Variants in ZNF385D observed in about 807,000 individuals in gnomAD.
The protein encoded by ZNF385D is zinc finger protein 385D.
A neutral mutation model predicts 35.8 loss-of-function variants in ZNF385D; 15 were observed. The ratio of observed to expected loss-of-function variants is 0.42; its 90% CI spans 0.28 to 0.64. ZNF385D has a LOEUF of 0.64. Among genes scored for constraint, ZNF385D ranks in the 30% least tolerant of loss-of-function variants. The pLI is 0.23. For missense variants in ZNF385D, 474 were observed against 494.6 expected, an observed-to-expected ratio of 0.96 and a Z score of 0.39; for synonymous variants, 212 against 186.8, an observed-to-expected ratio of 1.13 and a Z score of -1.10.
In ZNF385D at chr3:22,245,319, G is replaced by C. The variant is rs376475115; in HGVS notation, c.107-76284C>G. ...ACCTCAGCATTCCTACCATATGACA[G>C]AAGTGTCCTGGGGCTAGTCCAGCTG... On this transcript the variant is annotated intron_variant, in intron 2 of 5. Transcript: ENST00000494108. 8.0e-4 allele frequency among the ~76,000 whole-genome samples: 122 copies of C among 152,098 alleles called. 1 individual carries two copies. Among genetic ancestry groups the C allele is most frequent in the African/African-American group, 2.6e-3 (109 of 41,512 alleles).
chr3:21,988,772 C>T (rs917714144), intron 3 of ZNF385D, among the ~76,000 whole-genome samples: 6 of 152,030 alleles, frequency 3.9e-5, no homozygotes, highest in Admixed American at 2.0e-4. Flanking sequence ...CCCAGCCTCG[C>T]TGCCGCTTTG....
intron 3 of ZNF385D, among the ~76,000 whole-genome samples, chr3:21,943,175 G>C (rs186606406): frequency 6.6e-6 from 1 of 151,990 alleles, no homozygotes; most frequent in Non-Finnish European, 1.5e-5. Flanking sequence ...TTTTGGTACT[G>C]TCTAGCTTAT....
At chr3:21,992,675 AT>A (rs1349001188) in intron 3 of ZNF385D, among the ~76,000 whole-genome samples, 2 of 152,204 alleles carry the variant, frequency 1.3e-5, no homozygotes, top group Non-Finnish European at 2.9e-5. Context: ...TCCATGTAAT[AT>A]GATGAGCATG....
chr3:21,447,672 T>A (rs1368896958), intron 4 of ZNF385D, among the ~76,000 whole-genome samples: 1 of 152,190 alleles, frequency 6.6e-6, no homozygotes, highest in Admixed American at 6.5e-5. Context: ...ACATGATAAA[T>A]CATGAATCTT....
At chr3:21,735,933 A>G (rs767995081) in intron 1 of ZNF385D, among the ~76,000 whole-genome samples, 1 of 152,218 alleles carries the variant, frequency 6.6e-6, no homozygotes, top group Non-Finnish European at 1.5e-5. Context: ...CTTTACATAA[A>G]TGTCCCTACT....
intron 3 of ZNF385D, among the ~76,000 whole-genome samples, chr3:21,761,050 T>C (rs927077652): frequency 6.6e-6 from 1 of 152,248 alleles, no homozygotes; most frequent in South Asian, 2.1e-4. Context: ...AATAGCCACC[T>C]GCCATGCTAT....
At chr3:21,431,359 A>C (rs563431430) in intron 5 of ZNF385D, among the ~76,000 whole-genome samples, 2 of 152,292 alleles carry the variant, frequency 1.3e-5, no homozygotes, top group East Asian at 3.9e-4. Context: ...AATATACCTG[A>C]AATCATTTAC....
chr3:21,737,468 C>T (rs5021858), intron 1 of ZNF385D, among the ~76,000 whole-genome samples: 24,327 of 68,220 alleles, frequency 0.36, 2,314 homozygotes, highest in African/African-American at 0.5. Context: ...GATATATATA[C>T]ACACACACAC....
intron 2 of ZNF385D, among the ~76,000 whole-genome samples, chr3:22,218,332 A>G (rs913791862): frequency 6.6e-6 from 1 of 152,028 alleles, no homozygotes; most frequent in Non-Finnish European, 1.5e-5. Context: ...TATAAACTAT[A>G]TCTTTTAAAA....
At chr3:22,183,247 G>A (rs770768183) in intron 2 of ZNF385D, among the ~76,000 whole-genome samples, 4 of 152,114 alleles carry the variant, frequency 2.6e-5, no homozygotes, top group African/African-American at 4.8e-5. Flanking sequence ...CATCTAACTC[G>A]GGTAGTTAAA....
At chr3:21,787,405 TTTAG>T (rs769347101) in intron 3 of ZNF385D, among the ~76,000 whole-genome samples, 2 of 152,162 alleles carry the variant, frequency 1.3e-5, no homozygotes, top group Non-Finnish European at 2.9e-5. Context: ...AATAGATGTA[TTTAG>T]TTAAAGTCTA....
At chr3:22,332,859 T>C (rs192189278) in intron 2 of ZNF385D, among the ~76,000 whole-genome samples, 54 of 152,126 alleles carry the variant, frequency 3.5e-4, no homozygotes, top group Admixed American at 1.5e-3. Context: ...TTAAATGTAG[T>C]AGTTATTATA....
intron 2 of ZNF385D, among the ~76,000 whole-genome samples, chr3:22,289,142 T>C (rs991815267): frequency 5.9e-5 from 9 of 152,158 alleles, no homozygotes; most frequent in African/African-American, 1.9e-4. Flanking sequence ...AGAAGATCTG[T>C]GGAAAATGCC....
chr3:22,058,992 T>A (rs191525762), intron 3 of ZNF385D, among the ~76,000 whole-genome samples: 2 of 152,168 alleles, frequency 1.3e-5, no homozygotes, highest in Non-Finnish European at 2.9e-5. Context: ...TTAATTTCAA[T>A]CACCCCTAAA....
chr3:22,246,456 A>C (rs895173300), intron 2 of ZNF385D, among the ~76,000 whole-genome samples: 1 of 152,112 alleles, frequency 6.6e-6, no homozygotes, highest in African/African-American at 2.4e-5. Flanking sequence ...AAACAGGAAC[A>C]CTTTTGCAAA....
chr3:21,982,353 A>G (rs141362404), intron 3 of ZNF385D, among the ~76,000 whole-genome samples: 1 of 152,100 alleles, frequency 6.6e-6, no homozygotes, highest in Non-Finnish European at 1.5e-5. Flanking sequence ...AATTGTAAGT[A>G]GAATCGCCTT....
At chr3:22,049,831 C>T (rs905725471) in intron 3 of ZNF385D, among the ~76,000 whole-genome samples, 1 of 152,100 alleles carries the variant, frequency 6.6e-6, no homozygotes, top group Non-Finnish European at 1.5e-5. Context: ...GCCATCTTTG[C>T]ATCCTAGTAA....
intron 3 of ZNF385D, among the ~76,000 whole-genome samples, chr3:21,546,964 C>T (rs899049111): frequency 4.6e-5 from 7 of 152,050 alleles, no homozygotes; most frequent in African/African-American, 1.4e-4. Context: ...CCTACATACC[C>T]TGGGTATCTG....
intron 2 of ZNF385D, among the ~76,000 whole-genome samples, chr3:21,598,173 T>C (rs2064177791): frequency 6.6e-6 from 1 of 152,176 alleles, no homozygotes. Context: ...TGCTGATGTT[T>C]TCATCATTTT....
Sources: allele counts gnomAD v4.1 joint callset (sites outside exome capture counted in the v4.1 genomes callset), GRCh38; gene constraint gnomAD v4.1.1; transcripts MANE v1.5; gene names NCBI Gene and HGNC (gene_info 2026-07-23, HGNC 2026-07-21).